SYTL2: variants seen among roughly 807,000 people sequenced by gnomAD.
SYTL2 encodes synaptotagmin-like protein 2.
In SYTL2, 165 loss-of-function variants were observed where a neutral mutation model predicts 198.7. The observed-to-expected ratio is 0.83, with a 90% CI of 0.73 to 0.94. The LOEUF (loss-of-function observed/expected upper bound fraction) is 0.94, where lower values mean the gene tolerates loss of function less well. Ranked by LOEUF, SYTL2 falls within the 40% of genes least tolerant of loss-of-function variation. The pLI, the probability that SYTL2 is intolerant of heterozygous loss-of-function variation, is 0.00. For missense variants in SYTL2, 2,835 were observed against 2,582.8 expected, an observed-to-expected ratio of 1.10 and a Z score of -2.12; for synonymous variants, 966 against 917.7, an observed-to-expected ratio of 1.05 and a Z score of -0.95.
At position 85,733,921 on chromosome 11, in the gene SYTL2, T is replaced by C. The variant is rs2090087459; in HGVS notation, c.1390+18A>G. The C allele has an allele frequency of 1.9e-6, 3 of 1,608,958 alleles. No homozygotes were observed. ...GCCCCACCAAGTTTTTATAATCTAG[T>C]AGTGACAACTCTCTTACCAGCAGGG... On this transcript the variant is annotated intron_variant, in intron 7 of 19. Coordinates refer to ENST00000359152, the MANE Select transcript of SYTL2 (RefSeq NM_206927.4).
rs1054326993 is a variant in SYTL2 at position 85,724,873 on chromosome 11, G to A, written c.4485C>T (p.Leu1495=). 7 of 1,613,942 alleles carry A rather than the reference G, an allele frequency of 4.3e-6. No individual in the cohort carries two copies. The highest frequency in any genetic ancestry group is 2.2e-5 in the East Asian group (1 of 44,898). Residue 1495 remains leucine (L), a synonymous_variant, in exon 8 of 20, where the codon CTC becomes CTT. Transcript: ENST00000359152. ...ETIVQPKSEF[L]EFSAGLEKLL... Reference sequence around the variant, plus strand: ...GTTTTTCTAAGCCAGCACTGAATTCGAGGAACTCTGATTTGGGTTGAACAA... The same window carrying A: ...GTTTTTCTAAGCCAGCACTGAATTCAAGGAACTCTGATTTGGGTTGAACAA...
At chr11:85,708,153 CAA>C (rs201488817) in intron 14 of SYTL2, 475 of 334,766 alleles carry the variant, frequency 1.4e-3, no homozygotes, top group Admixed American at 3.0e-3. Flanking sequence ...AACTCCACCT[CAA>C]AAAAAAAAAA....
chr11:85,805,996 G>A (rs1262529661), intron 1 of SYTL2, among the ~76,000 whole-genome samples: 1 of 152,188 alleles, frequency 6.6e-6, no homozygotes, highest in Non-Finnish European at 1.5e-5. Context: ...ATAGGAAAGT[G>A]GTTTTGTAGG....
At chr11:85,819,120 T>C in the SYTL2 span, among the ~76,000 whole-genome samples, 1 of 152,230 alleles carries the variant, frequency 6.6e-6, no homozygotes, top group Non-Finnish European at 1.5e-5. Flanking sequence ...ATAATTTTCA[T>C]ATCAATTCTC....
chr11:85,839,882 C>G, the SYTL2 span, among the ~76,000 whole-genome samples: 1 of 152,180 alleles, frequency 6.6e-6, no homozygotes, highest in Non-Finnish European at 1.5e-5. Flanking sequence ...AGTGGTTGTA[C>G]TAATTTACAT....
chr11:85,800,713 T>G (rs552327759), intron 1 of SYTL2, among the ~76,000 whole-genome samples: 4 of 151,998 alleles, frequency 2.6e-5, no homozygotes, highest in Non-Finnish European at 5.9e-5. Flanking sequence ...ACACATCCAC[T>G]CCCTCCTCAC....
At chr11:85,705,904 T>C (rs1271038240) in intron 15 of SYTL2, among the ~76,000 whole-genome samples, 1 of 152,184 alleles carries the variant, frequency 6.6e-6, no homozygotes, top group Non-Finnish European at 1.5e-5. Flanking sequence ...CTACAGGTGG[T>C]TAATTCAGAC....
chr11:85,803,304 A>G (rs1260304010), intron 1 of SYTL2, among the ~76,000 whole-genome samples: 3 of 152,198 alleles, frequency 2.0e-5, no homozygotes, highest in Non-Finnish European at 4.4e-5. Context: ...ATGAAAATCA[A>G]CTTCATTTCT....
intron 1 of SYTL2, among the ~76,000 whole-genome samples, chr11:85,779,132 G>C (rs1290087620): frequency 6.6e-6 from 1 of 151,782 alleles, no homozygotes; most frequent in African/African-American, 2.4e-5. Flanking sequence ...TTATGAAATC[G>C]TGAAAACCTC....
chr11:85,728,934 C>T (rs772331365), intron 7 of SYTL2, among the ~76,000 whole-genome samples: 22 of 152,102 alleles, frequency 1.4e-4, no homozygotes, highest in South Asian at 4.1e-4. Flanking sequence ...AGTGATTGTT[C>T]TGCATACTGG....
At chr11:85,786,421 A>G (rs568176022) in intron 1 of SYTL2, among the ~76,000 whole-genome samples, 7 of 152,352 alleles carry the variant, frequency 4.6e-5, no homozygotes, top group African/African-American at 1.4e-4. Flanking sequence ...TAAACTGGAA[A>G]AAGTCTATGC....
At chr11:85,706,638 T>C (rs1288998453) in intron 15 of SYTL2, among the ~76,000 whole-genome samples, 1 of 152,170 alleles carries the variant, frequency 6.6e-6, no homozygotes, top group African/African-American at 2.4e-5. Flanking sequence ...TCAGGGTGAC[T>C]GGAACAAAGA....
intron 1 of SYTL2, among the ~76,000 whole-genome samples, chr11:85,771,843 T>C (rs1479106764): frequency 1.3e-5 from 2 of 152,134 alleles, no homozygotes; most frequent in Non-Finnish European, 2.9e-5. Flanking sequence ...AGGGAGCTGA[T>C]GAGACCCTGC....
At chr11:85,796,257 T>C (rs1216991334) in intron 1 of SYTL2, among the ~76,000 whole-genome samples, 1 of 152,160 alleles carries the variant, frequency 6.6e-6, no homozygotes, top group Non-Finnish European at 1.5e-5. Flanking sequence ...GCATCAAATT[T>C]CTACCTTTGA....
chr11:85,696,978 A>G (rs2083496892), intron 18 of SYTL2, among the ~76,000 whole-genome samples: 1 of 152,168 alleles, frequency 6.6e-6, no homozygotes, highest in Non-Finnish European at 1.5e-5. Context: ...TAACAATTAA[A>G]TGAACTTTAA....
intron 16 of SYTL2, 149 bp from the exon 17 acceptor site, chr11:85,700,742 A>T (rs1206143452): frequency 1.7e-6 from 1 of 604,300 alleles, no homozygotes; most frequent in Non-Finnish European, 3.0e-6. Flanking sequence ...TCTGCATCAG[A>T]ACTAGACTGT....
chr11:85,823,637 C>G, the SYTL2 span, among the ~76,000 whole-genome samples: 1 of 152,092 alleles, frequency 6.6e-6, no homozygotes, highest in Admixed American at 6.5e-5. Context: ...TACTAAGTAT[C>G]CGTTACTGGG....
chr11:85,726,177 G>A lies in SYTL2; in HGVS notation c.3181C>T (p.Gln1061Ter). ...MEKLNSKGIL[Q>*]VLPDEITFPL... ...AATGTGATTTCATCTGGTAGCACCTGGAGTATGCCCTTTGAATTTAATTTC... is the reference window on the plus strand; with the variant it reads ...AATGTGATTTCATCTGGTAGCACCTAGAGTATGCCCTTTGAATTTAATTTC... Residue 1061 changes from glutamine (Q) to a stop codon, truncating the protein, a stop_gained, in exon 8 of 20, where the codon CAG becomes TAG. Coordinates refer to ENST00000359152, the MANE Select transcript of SYTL2 (RefSeq NM_206927.4). LOFTEE classifies it high-confidence loss of function. 6.2e-7 allele frequency: 1 copy of A among 1,613,914 alleles called. No individual in the cohort carries two copies. The highest frequency in any genetic ancestry group is 8.5e-7 in the Non-Finnish European group (1 of 1,179,900).
the SYTL2 span, chr11:85,852,689 A>G: frequency 4.9e-6 from 1 of 205,130 alleles, no homozygotes; most frequent in Non-Finnish European, 9.8e-6. Flanking sequence ...AATGTTGCCC[A>G]GGCTGGAGTG....
Sources: gnomAD v4.1 joint callset for allele counts (sites outside exome capture counted in the v4.1 genomes callset) on GRCh38, gnomAD v4.1.1 for gene constraint, MANE v1.5 for transcripts, NCBI Gene and HGNC (gene_info 2026-07-23, HGNC 2026-07-21) for gene names.